Variants in KLHL13 observed in about 807,000 individuals in gnomAD.
The protein encoded by KLHL13 is kelch like family member 13, also known as kelch-like protein 13.
A neutral mutation model predicts 37.1 loss-of-function variants in KLHL13; 10 were observed. That is an observed-to-expected ratio of 0.27 (90% confidence interval 0.17 to 0.46). The LOEUF is 0.46. Ranked by LOEUF, KLHL13 falls within the 20% of genes least tolerant of loss-of-function variation. The probability of loss-of-function intolerance (pLI) is 1.00; values close to 1 mark genes in which losing one functional copy is unlikely to be tolerated. For synonymous variants in KLHL13, 163 were observed against 181.2 expected (o/e 0.90, Z 0.81); for missense variants, 360 against 509.3 (o/e 0.71, Z 2.82).
At chrX:117,980,535 C>A (rs2147924543) in intron 1 of KLHL13, among the ~76,000 whole-genome samples, 1 of 111,604 alleles carries the variant, frequency 9.0e-6, no homozygotes, top group East Asian at 2.8e-4. Flanking sequence ...TATCCAATCT[C>A]TTCCTCTTCC....
At chrX:117,961,543 C>G (rs1305464791) in intron 1 of KLHL13, among the ~76,000 whole-genome samples, 2 of 111,518 alleles carry the variant, frequency 1.8e-5, no homozygotes, top group Admixed American at 1.9e-4. Context: ...ATAAAGGTTA[C>G]GAACTTTGAA....
intron 1 of KLHL13, among the ~76,000 whole-genome samples, chrX:118,073,857 C>G (rs948504558): frequency 1.8e-5 from 2 of 111,579 alleles, no homozygotes; most frequent in Admixed American, 1.9e-4. Flanking sequence ...ACCCTCGTAT[C>G]TGTCAGGGAG....
intron 1 of KLHL13, among the ~76,000 whole-genome samples, chrX:118,047,885 A>C (rs941682103): frequency 1.8e-5 from 2 of 112,051 alleles, no homozygotes; most frequent in Non-Finnish European, 3.8e-5. Flanking sequence ...GGAAACCAGG[A>C]AGGTGTGGTA....
intron 1 of KLHL13, among the ~76,000 whole-genome samples, chrX:118,014,938 G>A: frequency 8.9e-6 from 1 of 112,100 alleles, no homozygotes; most frequent in Non-Finnish European, 1.9e-5. Context: ...AAAACAGGGA[G>A]GTACAGACAT....
At chrX:117,977,751 G>A (rs1328779524), upstream of KLHL13, among the ~76,000 whole-genome samples, 1 of 112,158 alleles carries the variant, frequency 8.9e-6, no homozygotes, top group Non-Finnish European at 1.9e-5. Flanking sequence ...AAAGTACTTG[G>A]ATAGCAACCA....
intron 1 of KLHL13, among the ~76,000 whole-genome samples, chrX:118,053,802 A>AGAGGAGAG (rs2054646744): frequency 1.9e-5 from 1 of 53,648 alleles, no homozygotes; most frequent in African/African-American, 1.0e-4. Flanking sequence ...TGTGTGTGAG[A>AGAGGAGAG]GAGAGAGAGA....
intron 1 of KLHL13, among the ~76,000 whole-genome samples, chrX:118,047,701 G>GCATGCA (rs1250145738): frequency 8.9e-6 from 1 of 111,900 alleles, no homozygotes; most frequent in Non-Finnish European, 1.9e-5. Flanking sequence ...ACACACATGT[G>GCATGCA]CATGCACATG....
rs1293500476 is a variant in KLHL13, at chrX:118,032,223, C to G, written c.-56+84285G>C. ...AAACAAAGCAGCCAGGAAGCTTGAA[C>G]TGGTTGGAGCCCACCACAGCTCAAG... is the stretch of plus-strand genomic sequence containing the variant. On this transcript the variant is annotated intron_variant, in intron 1 of 6. Transcript: ENST00000371882. Among the ~76,000 whole-genome samples, 3 of 111,648 alleles carry G rather than the reference C, an allele frequency of 2.7e-5. No individual in the cohort carries two copies. The East Asian group carries it at 8.5e-4, about 32-fold the overall frequency.
Position 118,098,221 on chromosome X carries a change from A to AC in KLHL13, c.-56+18286_-56+18287insG, listed in dbSNP as rs1283229761. On this transcript the variant is annotated intron_variant, in intron 1 of 6. Coordinates refer to the KLHL13 transcript ENST00000371882. ...TATCCAGAATCTACAATGAACTCAA[A>AC]AAATTTACAGGAAAAAAATAACCCC... Among the ~76,000 whole-genome samples the AC allele has an allele frequency of 1.3e-4, 14 of 111,937 alleles. No individual in the cohort carries two copies. In the South Asian group the frequency reaches 3.4e-3, roughly 27 times the overall value.
chrX:118,023,577 T>C (rs774914132), intron 1 of KLHL13, among the ~76,000 whole-genome samples: 2 of 111,556 alleles, frequency 1.8e-5, no homozygotes, highest in Non-Finnish European at 3.8e-5. Flanking sequence ...ATATATTCCA[T>C]TTTTCTTTTT....
At chrX:118,044,254 T>G (rs759242527) in intron 1 of KLHL13, among the ~76,000 whole-genome samples, 2 of 111,251 alleles carry the variant, frequency 1.8e-5, no homozygotes, top group East Asian at 5.6e-4. Context: ...TGGAAAGATA[T>G]TTCATCTTCA....
intron 4 of KLHL13, among the ~76,000 whole-genome samples, chrX:117,911,143 T>C (rs748135846): frequency 3.6e-5 from 4 of 112,512 alleles, no homozygotes; most frequent in South Asian, 7.4e-4. Flanking sequence ...CTTAAATGTT[T>C]GGTTGTTTTT....
At position 117,964,968 on chromosome X, in the gene KLHL13, T is replaced by C. The variant is rs6646013; in HGVS notation, c.98+7763A>G. ...TTCCATGGTGTATATGTGCCACATTTTCTTAATCCGGTCTATCATTGATGG... is the reference window on the plus strand; with the variant it reads ...TTCCATGGTGTATATGTGCCACATTCTCTTAATCCGGTCTATCATTGATGG... On this transcript the variant is annotated intron_variant, in intron 1 of 6. Transcript: ENST00000262820. Among the ~76,000 whole-genome samples the C allele has an allele frequency of 7.0e-3, 781 of 112,177 alleles. 6 individuals carry two copies. Among genetic ancestry groups the C allele is most frequent in the African/African-American group, 0.022 (689 of 30,742 alleles).
chrX:118,036,525 A>C (rs958458621), intron 1 of KLHL13, among the ~76,000 whole-genome samples: 2 of 111,990 alleles, frequency 1.8e-5, no homozygotes, highest in Non-Finnish European at 3.8e-5. Context: ...GATGCTGGGA[A>C]AACTGGCTAG....
At chrX:117,983,892 A>T (rs2053693965) in intron 1 of KLHL13, among the ~76,000 whole-genome samples, 2 of 110,617 alleles carry the variant, frequency 1.8e-5, no homozygotes, top group African/African-American at 6.6e-5. Flanking sequence ...GTAAATATAT[A>T]CTCGCCCCTT....
intron 1 of KLHL13, among the ~76,000 whole-genome samples, chrX:117,994,957 AG>A (rs1270830332): frequency 8.9e-6 from 1 of 111,897 alleles, no homozygotes; most frequent in Non-Finnish European, 1.9e-5. Flanking sequence ...CTGAGGTGGG[AG>A]GATCACTTGA....
intron 1 of KLHL13, among the ~76,000 whole-genome samples, chrX:118,067,335 T>TCTTAC (rs2054805746): frequency 9.0e-6 from 1 of 111,602 alleles, no homozygotes; most frequent in African/African-American, 3.3e-5. Flanking sequence ...TGGAAGTTGG[T>TCTTAC]TGCTCTGAGT....
intron 1 of KLHL13, among the ~76,000 whole-genome samples, chrX:118,111,487 G>A (rs2055408613): frequency 8.9e-6 from 1 of 112,838 alleles, no homozygotes; most frequent in Admixed American, 9.3e-5. Context: ...GCCGGGGGAG[G>A]TGGTTCATGC....
At chrX:118,107,540 A>G (rs183630863) in intron 1 of KLHL13, among the ~76,000 whole-genome samples, 2 of 112,317 alleles carry the variant, frequency 1.8e-5, no homozygotes, top group Admixed American at 9.5e-5. Context: ...GAAAATAATA[A>G]TAAGTATAGT....
Sources: gnomAD v4.1 joint callset for allele counts (sites outside exome capture counted in the v4.1 genomes callset) on GRCh38, gnomAD v4.1.1 for gene constraint, MANE v1.5 for transcripts, NCBI Gene and HGNC (gene_info 2026-07-23, HGNC 2026-07-21) for gene names.